TBC1D4: variants seen among roughly 807,000 people sequenced by gnomAD.
TBC1D4 encodes the protein TBC (Tre-2, BUB2, CDC16) domain-containing protein.
TBC1D4 carries 121 observed loss-of-function variants against 142.5 expected under a neutral mutation model. The ratio of observed to expected loss-of-function variants is 0.85; its 90% confidence interval spans 0.73 to 0.99. TBC1D4 has a LOEUF of 0.99. TBC1D4 is among the 50% of genes least tolerant of loss of function. TBC1D4 has a pLI of 0.00. For synonymous variants in TBC1D4, 630 were observed against 628.2 expected (o/e 1.00, Z -0.04); for missense variants, 1,475 against 1,606.6 (o/e 0.92, Z 1.40).
chr13:75,306,217 A>T, intron 15 of TBC1D4, 96 bp downstream of exon 15: 1 of 1,166,694 alleles, frequency 8.6e-7, no homozygotes, highest in Non-Finnish European at 1.2e-6. Context: ...GGACAAAATT[A>T]CTAAGCAAAA....
intron 1 of TBC1D4, among the ~76,000 whole-genome samples, chr13:75,365,333 T>G (rs1320233700): frequency 3.7e-5 from 4 of 107,604 alleles, no homozygotes; most frequent in Non-Finnish European, 6.9e-5. Context: ...AACAGCTCTG[T>G]TTTTTTTTTT....
chr13:75,315,800 T>G (rs1426960259), intron 12 of TBC1D4, among the ~76,000 whole-genome samples: 2 of 152,182 alleles, frequency 1.3e-5, no homozygotes, highest in Admixed American at 6.5e-5. Flanking sequence ...CTTAAAACCC[T>G]TTATTGGGAG....
intron 1 of TBC1D4, 119 bp downstream of exon 1, chr13:75,481,151 C>A (rs1888848186): frequency 1.4e-6 from 2 of 1,405,300 alleles, no homozygotes; most frequent in Non-Finnish European, 1.9e-6. Context: ...CCACGTGGAG[C>A]GCGCGCGCCT....
intron 1 of TBC1D4, among the ~76,000 whole-genome samples, chr13:75,420,368 G>T (rs1886113341): frequency 1.3e-5 from 2 of 152,180 alleles, no homozygotes; most frequent in Non-Finnish European, 1.5e-5. Context: ...AAAAAAAAGT[G>T]AATGTATAGC....
At chr13:75,329,030 T>C (rs1879518841) in intron 8 of TBC1D4, among the ~76,000 whole-genome samples, 1 of 152,100 alleles carries the variant, frequency 6.6e-6, no homozygotes, top group African/African-American at 2.4e-5. Context: ...CTTTCCATTT[T>C]AGGAAGTATC....
chr13:75,382,418 C>G (rs753487707), intron 1 of TBC1D4, among the ~76,000 whole-genome samples: 13 of 152,178 alleles, frequency 8.5e-5, no homozygotes, highest in Non-Finnish European at 1.8e-4. Flanking sequence ...TTCCTTGACA[C>G]CTTTGCATAT....
In TBC1D4 at chr13:75,299,552, A is replaced by G. The variant is rs1271173175; in HGVS notation, c.2934T>C (p.Pro978=). The change falls in exon 17 of 21, where the codon CCT becomes CCC. Residue 978 remains proline, a synonymous_variant. Transcript: ENST00000377636. ...CTGGCCCAAGCTGTACTGAAAAGTA[A>G]GGGTGAGTAGGAAACGTCCTTCCTG... is the stretch of plus-strand genomic sequence containing the variant. ...VDLGRTFPTH[P]YFSVQLGPGQ... is the part of the protein sequence containing the mutation. 6.2e-7 allele frequency: 1 copy of G among 1,614,236 alleles called. No homozygotes were observed. Among genetic ancestry groups the G allele is most frequent in the South Asian group, 1.1e-5 (1 of 91,092 alleles).
chr13:75,345,268 T>C (rs1442268204), intron 5 of TBC1D4, among the ~76,000 whole-genome samples: 1 of 152,252 alleles, frequency 6.6e-6, no homozygotes, highest in Non-Finnish European at 1.5e-5. Context: ...TGAAACACAA[T>C]AGTGCCTCGC....
chr13:75,444,229 T>C (rs1009770484), intron 1 of TBC1D4, among the ~76,000 whole-genome samples: 1 of 152,160 alleles, frequency 6.6e-6, no homozygotes, highest in Admixed American at 6.5e-5. Context: ...GCTCAAGAGA[T>C]CCTTCCACCT....
chr13:75,369,376 C>T (rs1883099111), intron 1 of TBC1D4, among the ~76,000 whole-genome samples: 1 of 152,052 alleles, frequency 6.6e-6, no homozygotes, highest in Admixed American at 6.5e-5. Flanking sequence ...CCTGTAGCCC[C>T]AGCTAGTTAG....
chr13:75,343,022 G>A (rs892304872), intron 5 of TBC1D4, among the ~76,000 whole-genome samples: 8 of 151,948 alleles, frequency 5.3e-5, no homozygotes, highest in African/African-American at 1.9e-4. Flanking sequence ...CAAAGTAATT[G>A]GCCGAAAATA....
Position 75,481,809 on chromosome 13 carries a change from C to T in TBC1D4, c.-42G>A, listed in dbSNP as rs1437118370. On this transcript the variant is annotated 5_prime_UTR_variant, in exon 1 of 21. Coordinates refer to ENST00000377636, the MANE Select transcript of TBC1D4 (RefSeq NM_014832.5). ...GGGCACCGCGGAGGCCGGCCGGGCG[C>T]ACCGCGCCCCCCACTCCCGCGCAGA... 1.4e-6 allele frequency: 2 copies of T among 1,457,246 alleles called. No individual in the cohort carries two copies. The highest frequency in any genetic ancestry group is 3.0e-5 in the African/African-American group (2 of 67,082). The allele number at this position is 1,457,246 out of a possible 1,614,324, so 90.3% of individuals were successfully genotyped here. A position where few individuals can be genotyped will look rare whatever the true frequency, so the allele number is the denominator to read the frequency against.
At chr13:75,391,241 T>C (rs1178578751) in intron 1 of TBC1D4, among the ~76,000 whole-genome samples, 1 of 149,924 alleles carries the variant, frequency 6.7e-6, no homozygotes, top group African/African-American at 2.5e-5. Flanking sequence ...TTATCTCTCA[T>C]CCTAAAAGAA....
At chr13:75,440,097 G>A (rs940520727) in intron 1 of TBC1D4, among the ~76,000 whole-genome samples, 11 of 151,718 alleles carry the variant, frequency 7.3e-5, no homozygotes, top group African/African-American at 1.7e-4. Context: ...TTAAAAAGAC[G>A]AATAATATAA....
intron 1 of TBC1D4, among the ~76,000 whole-genome samples, chr13:75,459,350 T>G (rs1350034059): frequency 6.6e-6 from 1 of 152,202 alleles, no homozygotes; most frequent in Non-Finnish European, 1.5e-5. Context: ...TTTATCTTCT[T>G]TAGCTGTGTT....
intron 1 of TBC1D4, among the ~76,000 whole-genome samples, chr13:75,400,625 T>A (rs552596696): frequency 9.5e-3 from 307 of 32,314 alleles, no homozygotes; most frequent in African/African-American, 0.021. Flanking sequence ...GCCCAGCTAA[T>A]TTTTTGTATT....
chr13:75,463,341 A>C (rs1480959088), intron 1 of TBC1D4, among the ~76,000 whole-genome samples: 1 of 152,150 alleles, frequency 6.6e-6, no homozygotes, highest in Non-Finnish European at 1.5e-5. Context: ...TAATTAAAAA[A>C]ACCTGTATAG....
chr13:75,379,810 C>T lies in TBC1D4; in HGVS notation c.499-17203G>A, dbSNP rs148329068. ...GTTGATAAAAATCAACTAAACAACA[C>T]ATTTACCATTATTGATAAAATTAAG... On this transcript the variant is annotated intron_variant, in intron 1 of 20. Coordinates refer to ENST00000377636, the MANE Select transcript of TBC1D4 (RefSeq NM_014832.5). Among the ~76,000 whole-genome samples the T allele has an allele frequency of 6.2e-3, 923 of 147,844 alleles. 9 individuals carry two copies. Among genetic ancestry groups the T allele is most frequent in the African/African-American group, 0.021 (844 of 40,618 alleles).
At chr13:75,361,863 C>T (rs1289290549) in intron 2 of TBC1D4, among the ~76,000 whole-genome samples, 163 bp downstream of exon 2, 1 of 152,192 alleles carries the variant, frequency 6.6e-6, no homozygotes, top group Admixed American at 6.5e-5. Flanking sequence ...TCCCTACTTT[C>T]CTCTGCACTC....
Sources: gnomAD v4.1 joint callset for allele counts (sites outside exome capture counted in the v4.1 genomes callset) on GRCh38, gnomAD v4.1.1 for gene constraint, MANE v1.5 for transcripts, NCBI Gene and HGNC (gene_info 2026-07-23, HGNC 2026-07-21) for gene names.